The following MINDY3 variants were observed in gnomAD, a reference collection of about 807,000 sequenced individuals.
The protein encoded by MINDY3 is ubiquitin carboxyl-terminal hydrolase MINDY-3.
MINDY3 carries 38 observed loss-of-function variants against 69.2 expected under a neutral mutation model. The ratio of observed to expected loss-of-function variants is 0.55; its 90% CI spans 0.42 to 0.72. The LOEUF (loss-of-function observed/expected upper bound fraction) is 0.72, where lower values mean the gene tolerates loss of function less well. MINDY3 is among the 30% of genes least tolerant of loss of function. The pLI is 0.00. For synonymous variants in MINDY3, 192 were observed against 180.1 expected (o/e 1.07, Z -0.53); for missense variants, 522 against 519.0 (o/e 1.01, Z -0.06).
intron 14 of MINDY3, among the ~76,000 whole-genome samples, chr10:15,779,904 G>T (rs543750995): frequency 6.6e-6 from 1 of 152,250 alleles, no homozygotes; most frequent in African/African-American, 2.4e-5. Flanking sequence ...TACTTAAAAA[G>T]TATTTTGGAC....
chr10:15,794,322 T>C (rs1837645638), intron 11 of MINDY3, among the ~76,000 whole-genome samples: 2 of 152,102 alleles, frequency 1.3e-5, no homozygotes. Flanking sequence ...GAAAATTAAA[T>C]TAGCAGATTA....
chr10:15,798,728 C>T lies in MINDY3; in HGVS notation c.883-2556G>A, dbSNP rs543614118. Among the ~76,000 whole-genome samples, 164 of 152,134 alleles carry T rather than the reference C, an allele frequency of 1.1e-3. 1 individual carries two copies. The highest frequency in any genetic ancestry group is 3.7e-3 in the African/African-American group (155 of 41,492). ...CTGTGAGGCGGAGGTTGCAGTGAACCAAGATCATGCCATTGCACTCCAGCC... is the reference window on the plus strand; with the variant it reads ...CTGTGAGGCGGAGGTTGCAGTGAACTAAGATCATGCCATTGCACTCCAGCC... On this transcript the variant is annotated intron_variant, in intron 10 of 14. Coordinates refer to ENST00000277632, the MANE Select transcript of MINDY3 (RefSeq NM_024948.4).
rs1469233873 is a variant in MINDY3 at position 15,852,604 on chromosome 10, G to A, written c.95-4661C>T. On this transcript the variant is annotated intron_variant, in intron 1 of 14. Transcript: ENST00000277632. ...AAGGAAAAATCAGAAGCAAAGAGTAGTCAACTATTACAAATGCTGCTGAAT... is the reference window on the plus strand; with the variant it reads ...AAGGAAAAATCAGAAGCAAAGAGTAATCAACTATTACAAATGCTGCTGAAT... Among the ~76,000 whole-genome samples, 3 of 152,076 alleles carry A rather than the reference G, an allele frequency of 2.0e-5. No homozygotes were observed. In the East Asian group the frequency reaches 5.8e-4, roughly 29 times the overall value.
rs116483010 is a variant in MINDY3 at position 15,787,770 on chromosome 10, C to A, written c.1029-1122G>T. ...TATCATTCTTGTATAGTATACTGTACAAAGGATATGGCATTTTAATGAGTC... is the reference window on the plus strand; with the variant it reads ...TATCATTCTTGTATAGTATACTGTAAAAAGGATATGGCATTTTAATGAGTC... On this transcript the variant is annotated intron_variant, in intron 12 of 14. Transcript: ENST00000277632. Among the ~76,000 whole-genome samples, 1,439 of 152,168 alleles carry A rather than the reference C, an allele frequency of 9.5e-3. 19 individuals carry two copies. Among genetic ancestry groups the A allele is most frequent in the African/African-American group, 0.032 (1,339 of 41,526 alleles).
intron 3 of MINDY3, among the ~76,000 whole-genome samples, chr10:15,842,331 A>T (rs1391605487): frequency 6.6e-6 from 1 of 151,866 alleles, no homozygotes; most frequent in African/African-American, 2.4e-5. Context: ...TTCACTTTCT[A>T]ATCACCACAG....
In MINDY3 at chr10:15,833,693, GATTA is replaced by G. The variant is rs780473574; in HGVS notation, c.663_666del (p.Asn222SerfsTer3). The G allele has an allele frequency of 9.3e-6, 15 of 1,609,308 alleles. No homozygotes were observed. Among genetic ancestry groups the G allele is most frequent in the Non-Finnish European group, 1.3e-5 (15 of 1,176,174 alleles). On this transcript the variant is annotated frameshift_variant, in exon 8 of 15. Coordinates refer to ENST00000277632, the MANE Select transcript of MINDY3 (RefSeq NM_024948.4). LOFTEE classifies it high-confidence loss of function. ...GAAACAGCATGTCCCGTCAGCAGGA[GATTA>G]ATTAAACTTTGGCTATTAATAAATA...
At chr10:15,849,097 T>C (rs562364219) in intron 1 of MINDY3, among the ~76,000 whole-genome samples, 1 of 152,328 alleles carries the variant, frequency 6.6e-6, no homozygotes, top group African/African-American at 2.4e-5. Flanking sequence ...ACTAATGTTA[T>C]AAGAGAAGAA....
chr10:15,782,140 C>T lies in MINDY3; in HGVS notation c.1188+15G>A, dbSNP rs973386537. The T allele has an allele frequency of 6.3e-6, 10 of 1,583,010 alleles. No homozygotes were observed. Among genetic ancestry groups the T allele is most frequent in the African/African-American group, 4.0e-5 (3 of 74,100 alleles). The stretch of plus-strand genomic sequence containing the variant: ...CAACCCAGTTGAACACCGACGACTA[C>T]GTGAATTATCATACCTTTTCATTAT... On this transcript the variant is annotated intron_variant, in intron 14 of 14. Coordinates refer to ENST00000277632, the MANE Select transcript of MINDY3 (RefSeq NM_024948.4).
chr10:15,826,619 T>A (rs545722699), intron 8 of MINDY3, among the ~76,000 whole-genome samples: 2 of 152,148 alleles, frequency 1.3e-5, no homozygotes, highest in South Asian at 2.1e-4. Context: ...GAAAAGACTA[T>A]GACAATTTTG....
chr10:15,831,145 G>A (rs1400251679), intron 8 of MINDY3, among the ~76,000 whole-genome samples: 1 of 152,160 alleles, frequency 6.6e-6, no homozygotes, highest in African/African-American at 2.4e-5. Flanking sequence ...ACTGCCTCAA[G>A]CAGTGGTAGA....
At chr10:15,835,674 A>C (rs1266777247) in intron 6 of MINDY3, among the ~76,000 whole-genome samples, 1 of 152,124 alleles carries the variant, frequency 6.6e-6, no homozygotes, top group Non-Finnish European at 1.5e-5. Flanking sequence ...AAGTTGGAGA[A>C]TACTGAACAG....
chr10:15,803,006 A>G lies in MINDY3; in HGVS notation c.883-6834T>C, dbSNP rs914328540. On this transcript the variant is annotated intron_variant, in intron 10 of 14. Transcript: ENST00000277632. ...TAAATTCAAATGGAAACATTCCAGA[A>G]GTTTTCTTCCACAAATCAAAACCAG... Among the ~76,000 whole-genome samples, 3 of 152,174 alleles carry G rather than the reference A, an allele frequency of 2.0e-5. No homozygotes were observed. In the East Asian group the frequency reaches 5.8e-4, roughly 29 times the overall value.
intron 12 of MINDY3, among the ~76,000 whole-genome samples, chr10:15,788,286 C>T (rs1205420826): frequency 6.6e-6 from 1 of 152,054 alleles, no homozygotes; most frequent in Non-Finnish European, 1.5e-5. Context: ...AACAATTATT[C>T]ATTTATTAAT....
chr10:15,832,566 G>A (rs1239639635), intron 8 of MINDY3, among the ~76,000 whole-genome samples: 2 of 152,060 alleles, frequency 1.3e-5, no homozygotes, highest in African/African-American at 2.4e-5. Context: ...TTTTGTTCAC[G>A]AATTTCACTG....
intron 8 of MINDY3, among the ~76,000 whole-genome samples, chr10:15,827,188 A>G (rs1441104897): frequency 1.3e-5 from 2 of 150,588 alleles, no homozygotes; most frequent in East Asian, 1.9e-4. Context: ...AAAAAAAAAA[A>G]AAAAAAAAAA....
intron 1 of MINDY3, among the ~76,000 whole-genome samples, chr10:15,848,307 T>A (rs909297903): frequency 1.3e-5 from 2 of 152,162 alleles, no homozygotes; most frequent in African/African-American, 2.4e-5. Flanking sequence ...ATTCTATCAT[T>A]TCAAACTTTC....
intron 10 of MINDY3, among the ~76,000 whole-genome samples, chr10:15,806,337 A>G (rs1045459466): frequency 2.0e-5 from 3 of 152,142 alleles, no homozygotes; most frequent in Non-Finnish European, 2.9e-5. Flanking sequence ...CATGTTTCCT[A>G]TGAAAATTAA....
intron 1 of MINDY3, among the ~76,000 whole-genome samples, chr10:15,858,144 G>C (rs1411695916): frequency 2.0e-5 from 3 of 152,212 alleles, no homozygotes; most frequent in Non-Finnish European, 2.9e-5. Flanking sequence ...CTCTGATTCA[G>C]AGGCGATAAC....
chr10:15,857,475 G>A lies in MINDY3; in HGVS notation c.94+2731C>T, dbSNP rs1366042155. ...AACTGTAAGAGCTTGGAATACTGGTGTAGTTTGTGGGAAGGGGGGAGGATA... is the reference window on the plus strand; with the variant it reads ...AACTGTAAGAGCTTGGAATACTGGTATAGTTTGTGGGAAGGGGGGAGGATA... On this transcript the variant is annotated intron_variant, in intron 1 of 14. Coordinates refer to ENST00000277632, the MANE Select transcript of MINDY3 (RefSeq NM_024948.4). Among the ~76,000 whole-genome samples the A allele has an allele frequency of 2.0e-5, 3 of 152,178 alleles. No homozygotes were observed. The East Asian group carries it at 5.8e-4, about 29-fold the overall frequency.
Sources: gnomAD v4.1 joint callset for allele counts (sites outside exome capture counted in the v4.1 genomes callset) on GRCh38, gnomAD v4.1.1 for gene constraint, MANE v1.5 for transcripts, NCBI Gene and HGNC (gene_info 2026-07-23, HGNC 2026-07-21) for gene names.